The following PTPRN2 variants were observed in gnomAD, a reference collection of about 807,000 sequenced individuals.
The protein encoded by PTPRN2 is receptor-type tyrosine-protein phosphatase N2.
PTPRN2 carries 74 observed loss-of-function variants against 118.8 expected under a neutral mutation model. That is an observed-to-expected ratio of 0.62 (90% CI 0.52 to 0.76). The LOEUF is 0.76. Ranked by LOEUF, PTPRN2 falls within the 30% of genes least tolerant of loss-of-function variation. The pLI is 0.00. For missense variants in PTPRN2, 1,481 were observed against 1,394.4 expected (o/e 1.06, Z -0.99); for synonymous variants, 641 against 608.0 (o/e 1.05, Z -0.80).
chr7:158,483,288 A>G (rs1397594691), intron 2 of PTPRN2, among the ~76,000 whole-genome samples: 1 of 152,218 alleles, frequency 6.6e-6, no homozygotes, highest in Non-Finnish European at 1.5e-5. Context: ...CCACTATGGT[A>G]TATAAATCTT....
intron 2 of PTPRN2, among the ~76,000 whole-genome samples, chr7:158,344,944 C>CA (rs560073765): frequency 5.9e-5 from 9 of 152,182 alleles, no homozygotes; most frequent in Admixed American, 2.0e-4. Flanking sequence ...GGACGATACC[C>CA]AAAACAGAGC....
chr7:158,023,597 C>A (rs1338106166), intron 11 of PTPRN2, among the ~76,000 whole-genome samples: 2 of 152,166 alleles, frequency 1.3e-5, no homozygotes, highest in Non-Finnish European at 2.9e-5. Flanking sequence ...GCGGTGTCCC[C>A]CACTGCCTGG....
At chr7:157,685,236 CCAGCGCGGAGGCGACCCCGG>C (rs1797123581) in intron 12 of PTPRN2, among the ~76,000 whole-genome samples, 1 of 151,962 alleles carries the variant, frequency 6.6e-6, no homozygotes, top group Non-Finnish European at 1.5e-5. Context: ...TCCATCCGCC[CCAGCGCGGAGGCGACCCCGG>C]CCCCGCTGCC....
rs566744459 is a variant in PTPRN2, at chr7:157,809,675, CA to C, written c.1788+88997del. 9.2e-5 allele frequency among the ~76,000 whole-genome samples: 14 copies of C among 152,260 alleles called. No homozygotes were observed. In the South Asian group the frequency reaches 2.7e-3, roughly 29 times the overall value. On this transcript the variant is annotated intron_variant, in intron 12 of 22. Transcript: ENST00000389418. ...GGAACGGAGTGAGGCGTCTACCTGCCAAGGAGCCCCCGGCATTGCCAGGAGC... is the reference window on the plus strand; with the variant it reads ...GGAACGGAGTGAGGCGTCTACCTGCCAGGAGCCCCCGGCATTGCCAGGAGC...
rs555120281 is a variant in PTPRN2 at position 157,840,191 on chromosome 7, CTGTGACCGCG to C, written c.1788+58472_1788+58481del. Among the ~76,000 whole-genome samples the C allele has an allele frequency of 2.6e-3, 319 of 124,100 alleles. 2 individuals carry two copies. Among genetic ancestry groups the C allele is most frequent in the African/African-American group, 9.9e-3 (314 of 31,720 alleles). 81.4% of individuals were successfully genotyped at this position (124,100 alleles called of 152,430 possible). A position where few individuals can be genotyped will look rare whatever the true frequency, so the allele number is the denominator to read the frequency against. ...TGTGTGACTGTGTGACCGTGTGTGACTGTGACCGCGTGTGACTGTGTGGCCACGTGTGACT... is the reference window on the plus strand; with the variant it reads ...TGTGTGACTGTGTGACCGTGTGTGACTGTGACTGTGTGGCCACGTGTGACT... On this transcript the variant is annotated intron_variant, in intron 12 of 22. Coordinates refer to ENST00000389418, the MANE Select transcript of PTPRN2 (RefSeq NM_002847.5).
intron 21 of PTPRN2, among the ~76,000 whole-genome samples, chr7:157,561,894 C>A (rs1799210436): frequency 2.0e-5 from 3 of 152,254 alleles, no homozygotes; most frequent in Admixed American, 2.0e-4. Context: ...GGTGCCAAAC[C>A]AGCATCAGCG....
At chr7:158,367,261 C>T (rs918762927) in intron 2 of PTPRN2, among the ~76,000 whole-genome samples, 21 of 152,312 alleles carry the variant, frequency 1.4e-4, no homozygotes, top group Middle Eastern at 3.4e-3. Context: ...CCCAGGTGGA[C>T]GGCCAGGCCT....
At chr7:157,663,949 G>A (rs928122438) in intron 13 of PTPRN2, among the ~76,000 whole-genome samples, 2 of 152,214 alleles carry the variant, frequency 1.3e-5, no homozygotes, top group African/African-American at 4.8e-5. Flanking sequence ...CAGTGCCAAC[G>A]AGACAAACCT....
At chr7:158,286,850 T>C (rs1276664691) in intron 3 of PTPRN2, among the ~76,000 whole-genome samples, 1 of 152,230 alleles carries the variant, frequency 6.6e-6, no homozygotes, top group Non-Finnish European at 1.5e-5. Flanking sequence ...GGTATCACGG[T>C]AGTGCTGACC....
chr7:158,432,392 G>T (rs796980293), intron 2 of PTPRN2, among the ~76,000 whole-genome samples: 2 of 152,302 alleles, frequency 1.3e-5, no homozygotes, highest in African/African-American at 4.8e-5. Flanking sequence ...CTCAGATAGC[G>T]GATTTCAAAC....
intron 2 of PTPRN2, among the ~76,000 whole-genome samples, chr7:158,410,950 G>GT (rs374152538): frequency 5.3e-5 from 8 of 151,740 alleles, no homozygotes; most frequent in African/African-American, 1.7e-4. Context: ...CGGAGGGACA[G>GT]GGTACACAAG....
chr7:158,236,304 C>T (rs1283910214), intron 3 of PTPRN2, among the ~76,000 whole-genome samples: 1 of 152,164 alleles, frequency 6.6e-6, no homozygotes, highest in Non-Finnish European at 1.5e-5. Context: ...CCCAGCTTCT[C>T]CTCTCCCTTC....
intron 5 of PTPRN2, among the ~76,000 whole-genome samples, chr7:158,167,546 A>G (rs1823143625): frequency 6.6e-6 from 1 of 152,302 alleles, no homozygotes; most frequent in Non-Finnish European, 1.5e-5. Flanking sequence ...TTTTAATATC[A>G]GCTTTATGGA....
At chr7:157,796,064 C>T (rs555096569) in intron 12 of PTPRN2, among the ~76,000 whole-genome samples, 4 of 152,226 alleles carry the variant, frequency 2.6e-5, no homozygotes, top group Admixed American at 1.3e-4. Context: ...AATAAACACA[C>T]GCGTTCCAGG....
At chr7:158,375,351 A>T (rs4909077) in intron 2 of PTPRN2, among the ~76,000 whole-genome samples, 144,141 of 152,332 alleles carry the variant, frequency 0.95, 68,325 homozygotes, top group East Asian at 1. Context: ...AGGCACAATG[A>T]GGGCAGCAGA....
chr7:158,286,764 C>T (rs919254107), intron 3 of PTPRN2, among the ~76,000 whole-genome samples: 7 of 152,152 alleles, frequency 4.6e-5, no homozygotes, highest in Admixed American at 6.5e-5. Flanking sequence ...GGTATTCTTT[C>T]GAGGGTTTTT....
intron 4 of PTPRN2, among the ~76,000 whole-genome samples, chr7:158,194,780 C>T (rs1302335804): frequency 6.6e-6 from 1 of 152,246 alleles, no homozygotes; most frequent in Non-Finnish European, 1.5e-5. Flanking sequence ...GGGCAAGAAG[C>T]CCAAATTACA....
At chr7:157,782,128 C>T (rs1364512247) in intron 12 of PTPRN2, among the ~76,000 whole-genome samples, 1 of 152,254 alleles carries the variant, frequency 6.6e-6, no homozygotes, top group Non-Finnish European at 1.5e-5. Flanking sequence ...GCCCTGATGG[C>T]TTACCCAGGC....
intron 12 of PTPRN2, among the ~76,000 whole-genome samples, chr7:157,774,275 G>A (rs1298916663): frequency 6.6e-6 from 1 of 152,234 alleles, no homozygotes; most frequent in Non-Finnish European, 1.5e-5. Flanking sequence ...GCGCTGAATA[G>A]AATATGCACC....
Sources: gnomAD v4.1 joint callset for allele counts (sites outside exome capture counted in the v4.1 genomes callset) on GRCh38, gnomAD v4.1.1 for gene constraint, MANE v1.5 for transcripts, NCBI Gene and HGNC (gene_info 2026-07-23, HGNC 2026-07-21) for gene names.